FAM124A: variants seen among roughly 807,000 people sequenced by gnomAD.
The protein encoded by FAM124A is family with sequence similarity 124 member A.
FAM124A carries 23 observed loss-of-function variants against 24.5 expected under a neutral mutation model. The ratio of observed to expected loss-of-function variants is 0.94; its 90% CI spans 0.68 to 1.33. The LOEUF is 1.33. Ranked by LOEUF, FAM124A falls within the 40% of genes most tolerant of loss-of-function variation. The probability of loss-of-function intolerance (pLI) is 0.00; values close to 1 mark genes in which losing one functional copy is unlikely to be tolerated. For missense variants in FAM124A, 623 were observed against 722.8 expected (o/e 0.86, Z 1.58); for synonymous variants, 287 against 314.7 (o/e 0.91, Z 0.93).
At chr13:51,252,326 A>T (rs1768953233) in intron 3 of FAM124A, 125 bp downstream of exon 3, 1 of 1,347,500 alleles carries the variant, frequency 7.4e-7, no homozygotes, top group African/African-American at 1.5e-5. Context: ...CCCTCTGCCC[A>T]GCTCCTAGTC....
chr13:51,228,532 G>A (rs1954339809), intron 1 of FAM124A, among the ~76,000 whole-genome samples: 1 of 152,192 alleles, frequency 6.6e-6, no homozygotes, highest in East Asian at 1.9e-4. Flanking sequence ...CTTATGCATA[G>A]CCAGCTAACT....
At chr13:51,266,749 T>C (rs1954789803) in intron 3 of FAM124A, among the ~76,000 whole-genome samples, 8 of 152,176 alleles carry the variant, frequency 5.3e-5, no homozygotes, top group Admixed American at 5.2e-4. Flanking sequence ...ACTGCCCTCA[T>C]AGTGACACTC....
At chr13:51,277,713 G>A (rs1189783429) in intron 3 of FAM124A, among the ~76,000 whole-genome samples, 1 of 152,164 alleles carries the variant, frequency 6.6e-6, no homozygotes, top group Non-Finnish European at 1.5e-5. Context: ...AGAATCACTT[G>A]AACCCAGCAG....
chr13:51,242,737 A>G (rs1954512016), intron 2 of FAM124A, among the ~76,000 whole-genome samples: 1 of 152,220 alleles, frequency 6.6e-6, no homozygotes, highest in Non-Finnish European at 1.5e-5. Flanking sequence ...CAGGGTATCT[A>G]AAGTATCTGC....
intron 3 of FAM124A, among the ~76,000 whole-genome samples, chr13:51,266,093 C>T (rs1382215831): frequency 6.6e-6 from 1 of 152,164 alleles, no homozygotes; most frequent in Non-Finnish European, 1.5e-5. Context: ...TTCTTTAACA[C>T]TTTCGGATGT....
rs1954845716 is a variant in FAM124A at position 51,272,197 on chromosome 13, C to T, written c.835-8253C>T. 6.6e-6 allele frequency among the ~76,000 whole-genome samples: 1 copy of T among 152,122 alleles called. No homozygotes were observed. The highest frequency in any genetic ancestry group is 2.4e-5 in the African/African-American group (1 of 41,412). Reference sequence around the variant, plus strand: ...TCAGCAAAACCAGAATATCCTTTTCCCCCTATCTTCTTACAAGGAAGTTGG... The same window carrying T: ...TCAGCAAAACCAGAATATCCTTTTCTCCCTATCTTCTTACAAGGAAGTTGG... On this transcript the variant is annotated intron_variant, in intron 3 of 3. Transcript: ENST00000322475. This position sits in a 1 kb window ranked among gnomAD's most constrained non-coding sequence, Gnocchi z 4.2.
At chr13:51,250,819 A>G (rs1376795158) in intron 2 of FAM124A, among the ~76,000 whole-genome samples, 7 of 152,122 alleles carry the variant, frequency 4.6e-5, no homozygotes, top group Admixed American at 1.3e-4. Flanking sequence ...GGACCCCACA[A>G]TAGGGGACAC....
intron 2 of FAM124A, among the ~76,000 whole-genome samples, chr13:51,245,831 C>T (rs1276595370): frequency 6.6e-6 from 1 of 152,068 alleles, no homozygotes. Context: ...ATAATAAGAG[C>T]ATAATAAATG....
intron 3 of FAM124A, among the ~76,000 whole-genome samples, chr13:51,256,008 C>T (rs1020508593): frequency 2.0e-5 from 3 of 152,190 alleles, no homozygotes; most frequent in Admixed American, 2.0e-4. Flanking sequence ...TCCTGCAACT[C>T]GGCCATGTGG....
At chr13:51,239,289 A>G (rs1954467434) in intron 2 of FAM124A, among the ~76,000 whole-genome samples, 1 of 152,234 alleles carries the variant, frequency 6.6e-6, no homozygotes, top group South Asian at 2.1e-4. Context: ...CAAACCCAGA[A>G]TCCTACTATC....
At position 51,272,416 on chromosome 13, in the gene FAM124A, C is replaced by T. The variant is rs59037959; in HGVS notation, c.835-8034C>T. The stretch of plus-strand genomic sequence containing the variant: ...AAGAAAGGAGCAGGAGGGAGATGGC[C>T]GGGCTAAATGGGAAACAGTGTCTAT... On this transcript the variant is annotated intron_variant, in intron 3 of 3. Coordinates refer to ENST00000322475, the MANE Select transcript of FAM124A (RefSeq NM_001242312.2). This position sits in a 1 kb window ranked among gnomAD's most constrained non-coding sequence, Gnocchi z 4.2. 2.4e-3 allele frequency among the ~76,000 whole-genome samples: 371 copies of T among 152,196 alleles called. 3 individuals are homozygous for T. Among genetic ancestry groups the T allele is most frequent in the African/African-American group, 8.6e-3 (358 of 41,522 alleles).
intron 2 of FAM124A, among the ~76,000 whole-genome samples, chr13:51,247,273 A>G (rs1370608398): frequency 3.9e-5 from 6 of 152,180 alleles, no homozygotes; most frequent in African/African-American, 1.4e-4. Context: ...AGAGGCGAGC[A>G]CACTTCTCTG....
intron 1 of FAM124A, among the ~76,000 whole-genome samples, chr13:51,226,927 AG>A (rs1954321057): frequency 6.6e-6 from 1 of 152,200 alleles, no homozygotes; most frequent in Non-Finnish European, 1.5e-5. Context: ...TGACGATAGT[AG>A]TACCTACCTT....
Position 51,230,569 on chromosome 13 carries a change from C to T in FAM124A, c.69-779C>T, listed in dbSNP as rs187143198. ...ACTAGGGGAAGAAAATAAGTAGCTT[C>T]CATATCAAATTTGTTGCCAGAGAGG... On this transcript the variant is annotated intron_variant, in intron 1 of 3. Transcript: ENST00000322475. Among the ~76,000 whole-genome samples, 615 of 152,320 alleles carry T rather than the reference C, an allele frequency of 4.0e-3. 3 individuals carry two copies. The highest frequency in any genetic ancestry group is 0.017 in the South Asian group (81 of 4,822).
intron 3 of FAM124A, among the ~76,000 whole-genome samples, chr13:51,263,069 T>C (rs1954752923): frequency 6.6e-6 from 1 of 152,230 alleles, no homozygotes. Context: ...CCTTTCCCAC[T>C]AGGGGGCCTC....
chr13:51,244,805 C>A (rs4942984), intron 2 of FAM124A, among the ~76,000 whole-genome samples: 1 of 152,062 alleles, frequency 6.6e-6, no homozygotes, highest in Non-Finnish European at 1.5e-5. Context: ...CCTCTTCTTC[C>A]GAAGACTCCA....
intron 3 of FAM124A, among the ~76,000 whole-genome samples, chr13:51,255,783 G>A (rs1231054602): frequency 1.3e-5 from 2 of 152,198 alleles, no homozygotes; most frequent in Non-Finnish European, 2.9e-5. Context: ...CTGCACAGGG[G>A]GAGGCTGGGC....
At chr13:51,280,380 G>A in intron 3 of FAM124A, 70 bp from the exon 4 acceptor site, 1 of 1,359,596 alleles carries the variant, frequency 7.4e-7, no homozygotes, top group Non-Finnish European at 1.0e-6. Context: ...CCAATGATTG[G>A]TAACTGTGTT....
At chr13:51,230,823 T>C (rs982168591) in intron 1 of FAM124A, among the ~76,000 whole-genome samples, 45 of 152,214 alleles carry the variant, frequency 3.0e-4, no homozygotes, top group African/African-American at 9.9e-4. Flanking sequence ...GGAACTGAAA[T>C]CAGTGGAAAT....
Sources: gnomAD v4.1 joint callset for allele counts (sites outside exome capture counted in the v4.1 genomes callset) on GRCh38, gnomAD v4.1.1 for gene constraint, Gnocchi (gnomAD v3.1) non-coding constraint, MANE v1.5 for transcripts, NCBI Gene and HGNC (gene_info 2026-07-23, HGNC 2026-07-21) for gene names.